The following EBF1 variants were observed in gnomAD, a reference collection of about 807,000 sequenced individuals.
The protein encoded by EBF1 is EBF transcription factor 1.
A neutral mutation model predicts 68.4 loss-of-function variants in EBF1; 10 were observed. The observed-to-expected ratio is 0.15, with a 90% confidence interval of 0.09 to 0.25. EBF1 has a LOEUF of 0.25. EBF1 is among the 10% of genes least tolerant of loss of function. The pLI is 1.00. For synonymous variants in EBF1, 298 were observed against 299.8 expected (o/e 0.99, Z 0.06); for missense variants, 509 against 794.4 (o/e 0.64, Z 4.32).
At chr5:159,045,405 ATT>A (rs35855682) in intron 6 of EBF1, among the ~76,000 whole-genome samples, 1 of 149,276 alleles carries the variant, frequency 6.7e-6, no homozygotes, top group Non-Finnish European at 1.5e-5. Context: ...CTCAAAATGA[ATT>A]TTTTTTTCCC....
chr5:158,820,491 G>A (rs1784613073), intron 8 of EBF1, among the ~76,000 whole-genome samples: 1 of 152,184 alleles, frequency 6.6e-6, no homozygotes, highest in African/African-American at 2.4e-5. Context: ...GTCTAAATGA[G>A]TGGGTGGTTT....
At chr5:159,083,657 C>T (rs1780113081) in intron 5 of EBF1, among the ~76,000 whole-genome samples, 1 of 152,204 alleles carries the variant, frequency 6.6e-6, no homozygotes, top group African/African-American at 2.4e-5. Flanking sequence ...TTGCTTTCCC[C>T]CACAAGTCCA....
chr5:158,960,409 G>T (rs944179710), intron 6 of EBF1, among the ~76,000 whole-genome samples: 1 of 152,046 alleles, frequency 6.6e-6, no homozygotes. Context: ...AAATATAGGT[G>T]AAGATTTATC....
chr5:158,780,336 A>T (rs1263397001), intron 9 of EBF1, among the ~76,000 whole-genome samples: 1 of 152,156 alleles, frequency 6.6e-6, no homozygotes, highest in East Asian at 1.9e-4. Context: ...AATAAATTTC[A>T]CACATTGTTC....
intron 6 of EBF1, among the ~76,000 whole-genome samples, chr5:159,025,370 T>C (rs1397038375): frequency 6.6e-6 from 1 of 152,228 alleles, no homozygotes; most frequent in Non-Finnish European, 1.5e-5. Flanking sequence ...CAAGTAAGCA[T>C]GTAAGATGCC....
At chr5:159,071,831 T>A (rs1777841905) in intron 6 of EBF1, among the ~76,000 whole-genome samples, 1 of 152,202 alleles carries the variant, frequency 6.6e-6, no homozygotes, top group Admixed American at 6.5e-5. Flanking sequence ...ACAAAATGCT[T>A]ATAGTTTCAA....
At chr5:158,942,821 A>C (rs895613557) in intron 6 of EBF1, among the ~76,000 whole-genome samples, 1 of 149,840 alleles carries the variant, frequency 6.7e-6, no homozygotes, top group East Asian at 2.0e-4. Flanking sequence ...GGCAAAAGCA[A>C]GGCAAGTGTT....
chr5:158,977,297 T>C (rs1756966422), intron 6 of EBF1, among the ~76,000 whole-genome samples: 2 of 152,200 alleles, frequency 1.3e-5, no homozygotes, highest in Admixed American at 1.3e-4. Context: ...AATACATTAA[T>C]AAAAACCTAT....
intron 10 of EBF1, among the ~76,000 whole-genome samples, chr5:158,754,211 A>C (rs992106015): frequency 3.9e-5 from 6 of 152,218 alleles, no homozygotes; most frequent in African/African-American, 1.4e-4. Flanking sequence ...ATAGCCTTTA[A>C]AGGCTTCACA....
chr5:158,964,313 G>C (rs1000070681), intron 6 of EBF1, among the ~76,000 whole-genome samples: 2 of 152,140 alleles, frequency 1.3e-5, no homozygotes, highest in Non-Finnish European at 2.9e-5. Flanking sequence ...ACAATGAGGA[G>C]CCAGGCTGTC....
At chr5:158,803,186 CT>C (rs1457932370) in intron 8 of EBF1, among the ~76,000 whole-genome samples, 8 of 152,060 alleles carry the variant, frequency 5.3e-5, no homozygotes, top group Admixed American at 5.3e-4. Flanking sequence ...CTACGGGATA[CT>C]TGTGACCTCG....
intron 6 of EBF1, among the ~76,000 whole-genome samples, chr5:159,012,398 T>G (rs1420622834): frequency 3.3e-5 from 5 of 152,202 alleles, no homozygotes; most frequent in African/African-American, 1.2e-4. Flanking sequence ...TGCCATGGGC[T>G]GAATTGTGTC....
Position 158,713,024 on chromosome 5 carries a change from A to G in EBF1, c.1315T>C (p.Phe439Leu). ...VHAGMMGVNS[F>L]SGQLAVNVSE... ...ACATTCACGGCCAGTTGTCCACTGA[A>G]CGAATTCACGCCCATCATCCCTGCG... The change falls in exon 13 of 16, where the codon TTC becomes CTC. Residue 439 changes from phenylalanine (F) to leucine (L), a missense_variant. Physicochemically the swap from Phe to Leu is conservative, Grantham distance 22. Coordinates refer to ENST00000313708, the MANE Select transcript of EBF1 (RefSeq NM_024007.5). The G allele has an allele frequency of 6.4e-7, 1 of 1,572,454 alleles. No individual in the cohort carries two copies. Among genetic ancestry groups the G allele is most frequent in the Non-Finnish European group, 8.6e-7 (1 of 1,156,456 alleles).
intron 6 of EBF1, among the ~76,000 whole-genome samples, chr5:158,872,299 C>A (rs1351450834): frequency 6.6e-6 from 1 of 151,864 alleles, no homozygotes; most frequent in Non-Finnish European, 1.5e-5. Flanking sequence ...TGGGTTCCAT[C>A]GATTCTCTTG....
At chr5:158,804,134 C>T (rs931502435) in intron 8 of EBF1, among the ~76,000 whole-genome samples, 15 of 151,220 alleles carry the variant, frequency 9.9e-5, no homozygotes, top group African/African-American at 3.4e-4. Context: ...GGCAAGAATG[C>T]CCTTTGCTTT....
intron 10 of EBF1, among the ~76,000 whole-genome samples, chr5:158,765,240 A>C (rs1041655872): frequency 2.0e-5 from 3 of 152,166 alleles, no homozygotes; most frequent in African/African-American, 7.2e-5. Flanking sequence ...CTAGTCTTAA[A>C]AAAGTAGAGA....
chr5:158,991,579 G>T (rs1305046115), intron 6 of EBF1, among the ~76,000 whole-genome samples: 1 of 152,202 alleles, frequency 6.6e-6, no homozygotes, highest in Non-Finnish European at 1.5e-5. Context: ...TATCAAGCCT[G>T]AGATGTTAAC....
Position 158,747,283 on chromosome 5 carries a change from C to T in EBF1, c.1037-16126G>A, listed in dbSNP as rs891906641. ...ATAAATAGGATCATTTGTTGAGAAG[C>T]GGTTCTGAGCATTTCACTTTTGCAA... On this transcript the variant is annotated intron_variant, in intron 10 of 15. Transcript: ENST00000313708. 1.7e-4 allele frequency among the ~76,000 whole-genome samples: 26 copies of T among 152,126 alleles called. 1 individual carries two copies. Among genetic ancestry groups the T allele is most frequent in the Admixed American group, 1.1e-3 (17 of 15,270 alleles).
At chr5:158,969,225 C>CT (rs962982171) in intron 6 of EBF1, among the ~76,000 whole-genome samples, 27 of 152,304 alleles carry the variant, frequency 1.8e-4, no homozygotes, top group Admixed American at 7.8e-4. Context: ...TCACTTGAAC[C>CT]TGGGGGGCAG....
Sources: gnomAD v4.1 joint callset for allele counts (sites outside exome capture counted in the v4.1 genomes callset) on GRCh38, gnomAD v4.1.1 for gene constraint, MANE v1.5 for transcripts, NCBI Gene and HGNC (gene_info 2026-07-23, HGNC 2026-07-21) for gene names.